Variants in TYK2 observed in about 807,000 individuals in gnomAD.
TYK2 encodes non-receptor tyrosine-protein kinase TYK2.
In TYK2, 65 loss-of-function variants were observed where a neutral mutation model predicts 130.9. That is an observed-to-expected ratio of 0.50 (90% CI 0.41 to 0.61). The LOEUF (loss-of-function observed/expected upper bound fraction) is 0.61. Ranked by LOEUF, TYK2 falls within the 20% of genes least tolerant of loss-of-function variation. TYK2 has a pLI of 0.00. For missense variants in TYK2, 1,378 were observed against 1,610.7 expected (o/e 0.86, Z 2.47); for synonymous variants, 647 against 658.9 (o/e 0.98, Z 0.28).
chr19:10,363,493 G>T (rs1005719507), intron 9 of TYK2, among the ~76,000 whole-genome samples: 8 of 152,040 alleles, frequency 5.3e-5, no homozygotes, highest in Admixed American at 3.9e-4. Flanking sequence ...TCCTACTCTT[G>T]TACTTGACGC....
chr19:10,379,349 T>C (rs1444645390), intron 2 of TYK2, among the ~76,000 whole-genome samples: 1 of 149,440 alleles, frequency 6.7e-6, no homozygotes, highest in South Asian at 2.1e-4. Context: ...AATAAATAAA[T>C]AAATAAATAA....
intron 18 of TYK2, 70 bp from the exon 19 acceptor site, chr19:10,354,679 C>A: frequency 7.6e-7 from 1 of 1,312,056 alleles, no homozygotes. Flanking sequence ...TTGGGAGTCA[C>A]AAAGCCAGCC....
intron 6 of TYK2, 73 bp from the exon 7 acceptor site, chr19:10,365,971 G>C: frequency 6.8e-7 from 1 of 1,469,078 alleles, no homozygotes; most frequent in Non-Finnish European, 9.1e-7. Context: ...CAGGGCAAGT[G>C]GCTTAACCTC....
At chr19:10,371,516 T>C (rs1258455042) in intron 3 of TYK2, among the ~76,000 whole-genome samples, 4 of 151,962 alleles carry the variant, frequency 2.6e-5, no homozygotes. Flanking sequence ...GGCGCATGCC[T>C]GTAATCCCAG....
Position 10,354,036 on chromosome 19 carries a change from G to A in TYK2, c.2908+6C>T. 3.1e-6 allele frequency: 5 copies of A among 1,613,794 alleles called. No homozygotes were observed. Among genetic ancestry groups the A allele is most frequent in the Non-Finnish European group, 4.2e-6 (5 of 1,179,924 alleles). On this transcript the variant is annotated splice_donor_region_variant and intron_variant, in intron 20 of 24. Transcript: ENST00000525621. ...AAGTCTCTAGGACTCGCCGGGTCCC[G>A]CCCACCTTGGTCCTCGCAGCAGCCC...
chr19:10,360,443 G>A (rs554056676), intron 14 of TYK2, among the ~76,000 whole-genome samples: 64 of 152,292 alleles, frequency 4.2e-4, no homozygotes, highest in Non-Finnish European at 8.7e-4. Flanking sequence ...GCTTCAGTGA[G>A]CCATGATGGC....
rs1568326616 is a variant in TYK2, at chr19:10,353,201, G to A, written c.3028-103C>T. The stretch of plus-strand genomic sequence containing the variant: ...GAGGGCTGGGGGACAGTCAGGTCAG[G>A]CCGGTGGCTACCCGGCCGCTGGAGA... On this transcript the variant is annotated intron_variant, in intron 21 of 24. Transcript: ENST00000525621. This position sits in a 1 kb window ranked among gnomAD's most constrained non-coding sequence, Gnocchi z 6.9. 2.7e-6 allele frequency: 3 copies of A among 1,095,128 alleles called. No homozygotes were observed. The highest frequency in any genetic ancestry group is 5.6e-5 in the East Asian group (2 of 35,428). The allele number at this position is 1,095,128 out of a possible 1,614,324, so 67.8% of individuals were successfully genotyped here.
rs2040750135 is a variant in TYK2 at position 10,350,556 on chromosome 19, C to G, written c.*278G>C. On this transcript the variant is annotated 3_prime_UTR_variant, in exon 25 of 25. Coordinates refer to ENST00000525621, the MANE Select transcript of TYK2 (RefSeq NM_003331.5). Reference sequence around the variant, plus strand: ...AGCAGAGAAAACATGAGTTTATTACCAGATGGTGGAGATGGTGGGCCTCAA... The same window carrying G: ...AGCAGAGAAAACATGAGTTTATTACGAGATGGTGGAGATGGTGGGCCTCAA... The G allele has an allele frequency of 2.0e-6, 1 of 499,648 alleles. No homozygotes were observed. Among genetic ancestry groups the G allele is most frequent in the Non-Finnish European group, 3.6e-6 (1 of 274,582 alleles). The allele number at this position is 499,648 out of a possible 1,614,324, so 31.0% of individuals were successfully genotyped here.
intron 5 of TYK2, among the ~76,000 whole-genome samples, chr19:10,367,574 G>A (rs2041720358): frequency 6.6e-6 from 1 of 151,862 alleles, no homozygotes; most frequent in Admixed American, 6.6e-5. Context: ...GCAGTGAGCT[G>A]AGATCACGCC....
chr19:10,367,624 CA>C (rs1028108393), intron 5 of TYK2, among the ~76,000 whole-genome samples: 9 of 145,884 alleles, frequency 6.2e-5, no homozygotes, highest in South Asian at 2.2e-4. Flanking sequence ...GACTCCATTT[CA>C]AAAAAAAAAG....
rs1160873183 is a variant in TYK2 at position 10,362,459 on chromosome 19, G to A, written c.1477-3C>T. On this transcript the variant is annotated splice_polypyrimidine_tract_variant and splice_region_variant and intron_variant, in intron 10 of 24. Transcript: ENST00000525621. ...AAGCTCTGCATGCCGTCTGGTGCCT[G>A]GCAGGAGGTGGCAGAGGTGGGAGCA... The A allele has an allele frequency of 6.3e-7, 1 of 1,592,610 alleles. No homozygotes were observed. The highest frequency in any genetic ancestry group is 8.6e-7 in the Non-Finnish European group (1 of 1,168,586).
intron 9 of TYK2, among the ~76,000 whole-genome samples, chr19:10,363,806 G>A (rs1024016537): frequency 6.6e-6 from 1 of 152,206 alleles, no homozygotes; most frequent in African/African-American, 2.4e-5. Flanking sequence ...CCAAACACCT[G>A]TCTGTACGGG....
intron 2 of TYK2, among the ~76,000 whole-genome samples, chr19:10,379,155 G>A (rs904411433): frequency 3.3e-5 from 5 of 151,462 alleles, no homozygotes; most frequent in Admixed American, 2.0e-4. Flanking sequence ...CACTGTGCCC[G>A]GCCTCTACAA....
chr19:10,370,822 AT>A (rs1257292595), intron 3 of TYK2, among the ~76,000 whole-genome samples: 11 of 152,136 alleles, frequency 7.2e-5, no homozygotes, highest in African/African-American at 2.4e-4. Flanking sequence ...GTCTAAAAAA[AT>A]AATAATAAAA....
rs1312262265 is a variant in TYK2 at position 10,378,436 on chromosome 19, G to A, written c.-20-10C>T. 7 of 1,600,720 alleles carry A rather than the reference G, an allele frequency of 4.4e-6. No homozygotes were observed. The highest frequency in any genetic ancestry group is 5.9e-6 in the Non-Finnish European group (7 of 1,178,004). On this transcript the variant is annotated splice_polypyrimidine_tract_variant and intron_variant, in intron 2 of 24. Coordinates refer to ENST00000525621, the MANE Select transcript of TYK2 (RefSeq NM_003331.5). Reference sequence around the variant, plus strand: ...CCGGCAGGTGGCTCAGCTGGAAAGGGGACAATCTGTCAGCTCCCAAGTCTC... The same window carrying A: ...CCGGCAGGTGGCTCAGCTGGAAAGGAGACAATCTGTCAGCTCCCAAGTCTC...
intron 3 of TYK2, among the ~76,000 whole-genome samples, chr19:10,372,482 ATATTTTTT>A (rs1363607744): frequency 3.7e-5 from 2 of 54,098 alleles, no homozygotes; most frequent in African/African-American, 1.0e-4. Context: ...ATATATATAT[ATATTTTTT>A]TTTTTTTTTT....
Position 10,352,955 on chromosome 19 carries a change from C to G in TYK2, c.3171G>C (p.Val1057=). 1 of 1,608,384 alleles carries G rather than the reference C, an allele frequency of 6.2e-7. No individual in the cohort carries two copies. Among genetic ancestry groups the G allele is most frequent in the Non-Finnish European group, 8.5e-7 (1 of 1,177,406 alleles). The change falls in exon 22 of 25, where the codon GTG becomes GTC. Residue 1057 remains valine (V), a synonymous_variant. Coordinates refer to ENST00000525621, the MANE Select transcript of TYK2 (RefSeq NM_003331.5). ...ACACGGGGCTGTCCCCATCCTCGCG[C>G]ACGCGGTAGTACTCGTGGCCTTCGG... The part of the protein sequence containing the change: ...AVPEGHEYYR[V]REDGDSPVFW...
Position 10,353,222 on chromosome 19 carries a change from G to T in TYK2, c.3028-124C>A. 1.2e-6 allele frequency: 1 copy of T among 807,132 alleles called. No homozygotes were observed. Among genetic ancestry groups the T allele is most frequent in the Non-Finnish European group, 1.8e-6 (1 of 551,196 alleles). The allele number at this position is 807,132 out of a possible 1,614,324, so 50.0% of individuals were successfully genotyped here. Reference sequence around the variant, plus strand: ...TCAGGCCGGTGGCTACCCGGCCGCTGGAGAGGGCCGGATGGCACGTGGCAC... The same window carrying T: ...TCAGGCCGGTGGCTACCCGGCCGCTTGAGAGGGCCGGATGGCACGTGGCAC... On this transcript the variant is annotated intron_variant, in intron 21 of 24. Coordinates refer to ENST00000525621, the MANE Select transcript of TYK2 (RefSeq NM_003331.5). This position sits in a 1 kb window ranked among gnomAD's most constrained non-coding sequence, Gnocchi z 6.9.
intron 3 of TYK2, among the ~76,000 whole-genome samples, chr19:10,374,962 T>C (rs1195591288): frequency 6.6e-6 from 1 of 151,388 alleles, no homozygotes; most frequent in African/African-American, 2.4e-5. Context: ...GGCGGGTGGA[T>C]GGCTTGAGCC....
Sources: gnomAD v4.1 joint callset for allele counts (sites outside exome capture counted in the v4.1 genomes callset) on GRCh38, gnomAD v4.1.1 for gene constraint, Gnocchi (gnomAD v3.1) non-coding constraint, MANE v1.5 for transcripts, NCBI Gene and HGNC (gene_info 2026-07-23, HGNC 2026-07-21) for gene names.